NT5C2: variants seen among roughly 807,000 people sequenced by gnomAD.
NT5C2 encodes the protein cytosolic purine 5'-nucleotidase.
Under a neutral mutation model 76.1 loss-of-function variants are expected in NT5C2, and 58 were observed. The observed-to-expected ratio is 0.76, with a 90% CI of 0.62 to 0.95. NT5C2 has a LOEUF of 0.95. Ranked by LOEUF, NT5C2 falls within the 40% of genes least tolerant of loss-of-function variation. The pLI is 0.00. For synonymous variants in NT5C2, 229 were observed against 237.4 expected (o/e 0.96, Z 0.32); for missense variants, 478 against 690.3 (o/e 0.69, Z 3.45).
At chr10:103,191,397 AAGAGAGAG>A (rs202139040) in intron 1 of NT5C2, among the ~76,000 whole-genome samples, 1 of 138,712 alleles carries the variant, frequency 7.2e-6, no homozygotes, top group Non-Finnish European at 1.5e-5. Flanking sequence ...AAAAAAAAAA[AAGAGAGAG>A]AGAGGAAATA....
At chr10:103,103,642 TTGGAA>T (rs1326232160) in intron 6 of NT5C2, among the ~76,000 whole-genome samples, 2 of 152,046 alleles carry the variant, frequency 1.3e-5, no homozygotes, top group Non-Finnish European at 2.9e-5. Context: ...AATGCTACAC[TTGGAA>T]TGGGAAGAAA....
intron 3 of NT5C2, among the ~76,000 whole-genome samples, chr10:103,156,932 C>T (rs958922672): frequency 3.3e-5 from 5 of 152,012 alleles, no homozygotes; most frequent in African/African-American, 1.2e-4. Flanking sequence ...TGGCACGTGC[C>T]TGTAATCCCA....
intron 4 of NT5C2, among the ~76,000 whole-genome samples, chr10:103,139,045 T>G (rs2079887687): frequency 6.6e-6 from 1 of 152,110 alleles, no homozygotes; most frequent in Non-Finnish European, 1.5e-5. Context: ...TGATACAAGT[T>G]TATCTGTGGC....
rs546964666 is a variant in NT5C2 at position 103,089,180 on chromosome 10, A to C, written c.*492T>G. 3.1e-5 allele frequency: 7 copies of C among 224,722 alleles called. No individual in the cohort carries two copies. The highest frequency in any genetic ancestry group is 1.1e-4 in the Admixed American group (2 of 17,500). The allele number at this position is 224,722 out of a possible 1,614,324, so 13.9% of individuals were successfully genotyped here. On this transcript the variant is annotated 3_prime_UTR_variant, in exon 19 of 19. Coordinates refer to ENST00000404739, the MANE Select transcript of NT5C2 (RefSeq NM_001351169.2). ...TTAAAGGCTTATAAAAGAAAACTTG[A>C]CCTTAACAGAGACTACATTTGATCA...
At chr10:103,093,827 T>C (rs1420406228) in intron 14 of NT5C2, 145 bp downstream of exon 14, 4 of 621,744 alleles carry the variant, frequency 6.4e-6, no homozygotes, top group Non-Finnish European at 8.7e-6. Context: ...TCCTATTGCA[T>C]TAAGAGGTGA....
chr10:103,157,432 A>T (rs940831821), intron 3 of NT5C2, among the ~76,000 whole-genome samples: 1 of 152,200 alleles, frequency 6.6e-6, no homozygotes, highest in Non-Finnish European at 1.5e-5. Context: ...GTCAGGAGCC[A>T]GGGCTTTCAC....
intron 3 of NT5C2, among the ~76,000 whole-genome samples, chr10:103,159,143 G>A (rs2084144073): frequency 1.3e-5 from 2 of 151,912 alleles, no homozygotes; most frequent in South Asian, 2.1e-4. Flanking sequence ...TGAGGCAGGG[G>A]GATCACTTGA....
At chr10:103,099,358 A>C (rs2068984847) in intron 9 of NT5C2, among the ~76,000 whole-genome samples, 1 of 152,228 alleles carries the variant, frequency 6.6e-6, no homozygotes, top group South Asian at 2.1e-4. Context: ...TACAGGCATG[A>C]GCCATCATGC....
rs2069155412 is a variant in NT5C2 at position 103,099,989 on chromosome 10, G to A, written c.570C>T (p.Leu190=). 1 of 1,612,270 alleles carries A rather than the reference G, an allele frequency of 6.2e-7. No individual in the cohort carries two copies. Among genetic ancestry groups the A allele is most frequent in the Non-Finnish European group, 8.5e-7 (1 of 1,178,740 alleles). The change falls in exon 9 of 19, where the codon CTC becomes CTT. Residue 190 remains leucine, a synonymous_variant. Coordinates refer to ENST00000404739, the MANE Select transcript of NT5C2 (RefSeq NM_001351169.2). ...GGAACATACTCCGGTAGGACATGAA[G>A]AGGTCCCCATCTTTAAATCCTGTTT... is the stretch of plus-strand genomic sequence containing the variant. The part of the protein sequence containing the change: ...SCETGFKDGD[L]FMSYRSMFQD...
At chr10:103,156,238 C>G (rs1489435949) in intron 3 of NT5C2, among the ~76,000 whole-genome samples, 1 of 152,084 alleles carries the variant, frequency 6.6e-6, no homozygotes, top group Non-Finnish European at 1.5e-5. Context: ...TAATCTAGGA[C>G]AGCGATAACA....
At chr10:103,107,592 G>C (rs1320685915) in intron 4 of NT5C2, among the ~76,000 whole-genome samples, 1 of 151,966 alleles carries the variant, frequency 6.6e-6, no homozygotes, top group Non-Finnish European at 1.5e-5. Flanking sequence ...AGAATCGCTT[G>C]AACCTGAGAG....
chr10:103,150,963 T>C (rs2082295267), intron 3 of NT5C2, among the ~76,000 whole-genome samples: 1 of 152,226 alleles, frequency 6.6e-6, no homozygotes, highest in African/African-American at 2.4e-5. Context: ...TTTTAAATTT[T>C]GATGAAGCCC....
chr10:103,175,007 GTAACT>G, intron 2 of NT5C2, 25 bp from the exon 3 acceptor site: 1 of 1,332,504 alleles, frequency 7.5e-7, no homozygotes, highest in Non-Finnish European at 1.1e-6. Context: ...CATTAATTTA[GTAACT>G]TAATATTGGC....
chr10:103,180,585 G>C (rs1261071655), intron 2 of NT5C2, among the ~76,000 whole-genome samples: 1 of 152,154 alleles, frequency 6.6e-6, no homozygotes, highest in Non-Finnish European at 1.5e-5. Context: ...TGAAAAATTA[G>C]TTGGGCATGG....
intron 3 of NT5C2, among the ~76,000 whole-genome samples, chr10:103,157,308 G>T (rs1024056340): frequency 6.6e-6 from 1 of 152,062 alleles, no homozygotes; most frequent in Non-Finnish European, 1.5e-5. Context: ...GCAGGGTAAG[G>T]TAAGAAAGTG....
intron 2 of NT5C2, among the ~76,000 whole-genome samples, chr10:103,179,512 G>T (rs964045182): frequency 2.6e-5 from 4 of 152,070 alleles, no homozygotes; most frequent in African/African-American, 9.7e-5. Flanking sequence ...AAGTAGCTGG[G>T]ATTACAGGTG....
rs765851733 is a variant in NT5C2 at position 103,090,608 on chromosome 10, C to T, written c.1449+3G>A. On this transcript the variant is annotated splice_donor_region_variant and intron_variant, in intron 18 of 18. Transcript: ENST00000404739. ...TTGGCTGTCCATTACAGCTTTAACT[C>T]ACCAAGACATGGGCAGCCCTGAAGA... 4 of 1,611,746 alleles carry T rather than the reference C, an allele frequency of 2.5e-6. No individual in the cohort carries two copies. The East Asian group carries it at 8.9e-5, about 36-fold the overall frequency.
chr10:103,122,982 C>T lies in NT5C2; in HGVS notation c.176-16276G>A, dbSNP rs146011040. Among the ~76,000 whole-genome samples, 552 of 152,300 alleles carry T rather than the reference C, an allele frequency of 3.6e-3. 4 individuals are homozygous for T. Among genetic ancestry groups the T allele is most frequent in the African/African-American group, 0.013 (539 of 41,560 alleles). On this transcript the variant is annotated intron_variant, in intron 4 of 18. Coordinates refer to ENST00000404739, the MANE Select transcript of NT5C2 (RefSeq NM_001351169.2). Reference sequence around the variant, plus strand: ...AGGCTCCTGTGTCCCATAAAACTTACATTAAATAAATCTGTATGCTTTTCT... The same window carrying T: ...AGGCTCCTGTGTCCCATAAAACTTATATTAAATAAATCTGTATGCTTTTCT...
intron 4 of NT5C2, among the ~76,000 whole-genome samples, chr10:103,129,102 C>G (rs2077357937): frequency 1.5e-5 from 2 of 129,392 alleles, no homozygotes; most frequent in Admixed American, 7.2e-5. Flanking sequence ...ACCTGGCCAG[C>G]CGTGCCGTCC....
Sources: gnomAD v4.1 joint callset for allele counts (sites outside exome capture counted in the v4.1 genomes callset) on GRCh38, gnomAD v4.1.1 for gene constraint, MANE v1.5 for transcripts, NCBI Gene and HGNC (gene_info 2026-07-23, HGNC 2026-07-21) for gene names.